The following SATB2 variants were observed in gnomAD, a reference collection of about 807,000 sequenced individuals.
SATB2 encodes DNA-binding protein SATB2.
In SATB2, 1 loss-of-function variant was observed where a neutral mutation model predicts 73.4. The observed-to-expected ratio is 0.01, with a 90% CI of 0.00 to 0.06. The LOEUF is 0.06. Ranked by LOEUF, SATB2 falls within the 10% of genes least tolerant of loss-of-function variation. SATB2 has a pLI of 1.00. For synonymous variants in SATB2, 397 were observed against 367.0 expected (o/e 1.08, Z -0.93); for missense variants, 459 against 945.8 (o/e 0.49, Z 6.75).
chr2:199,429,915 A>AAATT (rs1162494730), intron 3 of SATB2, among the ~76,000 whole-genome samples: 1 of 152,232 alleles, frequency 6.6e-6, no homozygotes, highest in Non-Finnish European at 1.5e-5. Context: ...GTCTCGAAAT[A>AAATT]AATTAATTAA....
In SATB2 at chr2:199,451,548, T is replaced by C. The variant is rs1300589909; in HGVS notation, c.169+4321A>G. 2.0e-5 allele frequency among the ~76,000 whole-genome samples: 3 copies of C among 152,114 alleles called. No individual in the cohort carries two copies. The East Asian group carries it at 5.8e-4, about 29-fold the overall frequency. On this transcript the variant is annotated intron_variant, in intron 2 of 10. Transcript: ENST00000417098. ...ATATTATGATATTCATCCTTGGGAATGGAGTTTTCTCCATTTTGCCCATGT... is the reference window on the plus strand; with the variant it reads ...ATATTATGATATTCATCCTTGGGAACGGAGTTTTCTCCATTTTGCCCATGT...
At chr2:199,371,795 T>C (rs1277096128) in intron 5 of SATB2, among the ~76,000 whole-genome samples, 1 of 152,172 alleles carries the variant, frequency 6.6e-6, no homozygotes, top group Non-Finnish European at 1.5e-5. Context: ...CTCGAGTATC[T>C]CTGTTTATAC....
chr2:199,351,995 G>A (rs947219313), intron 6 of SATB2, among the ~76,000 whole-genome samples: 4 of 152,028 alleles, frequency 2.6e-5, no homozygotes, highest in South Asian at 2.1e-4. Flanking sequence ...TCAGCCTTCC[G>A]AGTAACTGGG....
chr2:199,328,306 C>T (rs1254887253), intron 8 of SATB2, among the ~76,000 whole-genome samples: 1 of 152,080 alleles, frequency 6.6e-6, no homozygotes, highest in Non-Finnish European at 1.5e-5. Flanking sequence ...TTTGGGAGAC[C>T]AAGGCAAGCG....
chr2:199,362,036 C>G (rs1689153437), intron 6 of SATB2, among the ~76,000 whole-genome samples: 1 of 152,174 alleles, frequency 6.6e-6, no homozygotes, highest in Non-Finnish European at 1.5e-5. Flanking sequence ...CGCGCCCAGC[C>G]AGGTCCCAAC....
rs750633500 is a variant in SATB2 at position 199,433,325 on chromosome 2, G to C, written c.346+13C>G. The C allele has an allele frequency of 1.2e-6, 2 of 1,611,596 alleles. No individual in the cohort carries two copies. Among genetic ancestry groups the C allele is most frequent in the Non-Finnish European group, 1.7e-6 (2 of 1,178,510 alleles). Reference sequence around the variant, plus strand: ...ACAAGAGACTTGGGAGGAGAGGGGAGAGGCATTAATACCTTGGGCCTGGGC... The same window carrying C: ...ACAAGAGACTTGGGAGGAGAGGGGACAGGCATTAATACCTTGGGCCTGGGC... On this transcript the variant is annotated intron_variant, in intron 3 of 10. Transcript: ENST00000417098.
At position 199,397,171 on chromosome 2, in the gene SATB2, G is replaced by C. The variant is rs921751501; in HGVS notation, c.347-15351C>G. Among the ~76,000 whole-genome samples, 6 of 151,962 alleles carry C rather than the reference G, an allele frequency of 3.9e-5. No homozygotes were observed. In the South Asian group the frequency reaches 1.2e-3, roughly 32 times the overall value. On this transcript the variant is annotated intron_variant, in intron 3 of 10. Transcript: ENST00000417098. Reference sequence around the variant, plus strand: ...TTTCAGTTTAGTGTTTTTATGTTTTGTGAAGATACGCTACACAGAAATATA... The same window carrying C: ...TTTCAGTTTAGTGTTTTTATGTTTTCTGAAGATACGCTACACAGAAATATA...
At chr2:199,339,506 T>A (rs1360638489) in intron 7 of SATB2, among the ~76,000 whole-genome samples, 1 of 152,182 alleles carries the variant, frequency 6.6e-6, no homozygotes, top group Non-Finnish European at 1.5e-5. Flanking sequence ...TCATGCTTGA[T>A]CTGCGGCATT....
At chr2:199,424,096 C>T (rs1410054521) in intron 3 of SATB2, among the ~76,000 whole-genome samples, 1 of 152,158 alleles carries the variant, frequency 6.6e-6, no homozygotes, top group African/African-American at 2.4e-5. Flanking sequence ...AAGAGGCAGA[C>T]AGATAGAGGA....
chr2:199,440,929 C>T (rs188258793), intron 2 of SATB2, among the ~76,000 whole-genome samples: 1 of 151,474 alleles, frequency 6.6e-6, no homozygotes, highest in African/African-American at 2.4e-5. Flanking sequence ...CGACTCACTG[C>T]AACCTCCACC....
intron 3 of SATB2, among the ~76,000 whole-genome samples, chr2:199,424,796 A>T (rs1294669457): frequency 6.6e-6 from 1 of 152,250 alleles, no homozygotes; most frequent in Non-Finnish European, 1.5e-5. Context: ...ACTGTCCATT[A>T]TGAATGCCAA....
chr2:199,375,247 G>A (rs1350677895), intron 5 of SATB2, among the ~76,000 whole-genome samples: 6 of 152,304 alleles, frequency 3.9e-5, no homozygotes, highest in South Asian at 4.1e-4. Flanking sequence ...GGAGGACGAT[G>A]CCTAAGGTCT....
chr2:199,428,762 T>C (rs1475254171), intron 3 of SATB2, among the ~76,000 whole-genome samples: 2 of 152,174 alleles, frequency 1.3e-5, no homozygotes, highest in African/African-American at 4.8e-5. Context: ...CTGGGTATAG[T>C]GGCTCACACC....
At chr2:199,355,358 A>ATATATATCTATATATATATATATC (rs1688949825) in intron 6 of SATB2, among the ~76,000 whole-genome samples, 4 of 25,854 alleles carry the variant, frequency 1.5e-4, no homozygotes, top group African/African-American at 2.4e-4. Flanking sequence ...CTATATATAT[A>ATATATATCTATATATATATATATC]TATATATATA....
upstream of SATB2, among the ~76,000 whole-genome samples, chr2:199,459,221 C>T (rs1692401602): frequency 6.6e-6 from 1 of 152,008 alleles, no homozygotes; most frequent in Admixed American, 6.5e-5. The surrounding 1 kb of genome is among the most constrained non-coding windows in gnomAD (Gnocchi z 4.2). Context: ...CAGAGCTGTG[C>T]CCTGAGGACC....
At chr2:199,430,208 A>G (rs1691460344) in intron 3 of SATB2, among the ~76,000 whole-genome samples, 1 of 152,208 alleles carries the variant, frequency 6.6e-6, no homozygotes, top group African/African-American at 2.4e-5. Context: ...AAGAAAGAAT[A>G]GTAAAGGAAG....
intron 2 of SATB2, among the ~76,000 whole-genome samples, chr2:199,434,641 G>A (rs954886454): frequency 2.6e-5 from 4 of 152,078 alleles, no homozygotes; most frequent in African/African-American, 7.2e-5. Context: ...GTAGGCAGAC[G>A]GGGGAGGTAG....
chr2:199,369,367 G>T (rs1689377084), intron 5 of SATB2, among the ~76,000 whole-genome samples: 1 of 152,102 alleles, frequency 6.6e-6, no homozygotes, highest in Non-Finnish European at 1.5e-5. Flanking sequence ...CTGCTCAGCT[G>T]ATTTGTGTGT....
chr2:199,441,235 G>C (rs1267059793), intron 2 of SATB2, among the ~76,000 whole-genome samples: 2 of 151,988 alleles, frequency 1.3e-5, no homozygotes, highest in Non-Finnish European at 2.9e-5. Context: ...CTCAGGATTA[G>C]ACCTCCAACT....
Sources: gnomAD v4.1 joint callset for allele counts (sites outside exome capture counted in the v4.1 genomes callset) on GRCh38, gnomAD v4.1.1 for gene constraint, Gnocchi (gnomAD v3.1) non-coding constraint, MANE v1.5 for transcripts, NCBI Gene and HGNC (gene_info 2026-07-23, HGNC 2026-07-21) for gene names.